Variants in ANO7 observed in about 807,000 individuals in gnomAD.
The protein encoded by ANO7 is anoctamin-7.
Under a neutral mutation model 115.8 loss-of-function variants are expected in ANO7, and 114 were observed. That is an observed-to-expected ratio of 0.98 (90% CI 0.85 to 1.15). The LOEUF (loss-of-function observed/expected upper bound fraction) is 1.15. Among genes scored for constraint, ANO7 ranks in the 50% most tolerant of loss-of-function variants. The pLI, the probability that ANO7 is intolerant of heterozygous loss-of-function variation, is 0.00. For synonymous variants in ANO7, 550 were observed against 498.2 expected, an observed-to-expected ratio of 1.10 and a Z score of -1.38; for missense variants, 1,302 against 1,201.2, an observed-to-expected ratio of 1.08 and a Z score of -1.24.
chr2:241,192,061 G>A (rs1192093870), intron 3 of ANO7, among the ~76,000 whole-genome samples: 1 of 152,236 alleles, frequency 6.6e-6, no homozygotes, highest in East Asian at 1.9e-4. Context: ...CCTGGGCCAG[G>A]CACAGTGGCT....
chr2:241,204,477 T>C (rs2068545075), intron 9 of ANO7, among the ~76,000 whole-genome samples: 2 of 152,002 alleles, frequency 1.3e-5, no homozygotes, highest in South Asian at 4.2e-4. Context: ...GTGGTTTCCC[T>C]GGGGCTGGAA....
At chr2:241,193,684 C>A (rs75614610) in intron 3 of ANO7, among the ~76,000 whole-genome samples, 5,570 of 152,276 alleles carry the variant, frequency 0.037, 307 homozygotes, top group African/African-American at 0.13. Flanking sequence ...TATCCATAAT[C>A]ATGCTTTGTG....
chr2:241,227,058 A>G (rs1461345713), downstream of ANO7, among the ~76,000 whole-genome samples: 1 of 152,174 alleles, frequency 6.6e-6, no homozygotes, highest in Non-Finnish European at 1.5e-5. Context: ...CTGCAGGGCA[A>G]CTGCTGACTG....
At chr2:241,199,133 C>G in intron 4 of ANO7, 183 bp from the exon 5 acceptor site, 1 of 595,428 alleles carries the variant, frequency 1.7e-6, no homozygotes, top group Non-Finnish European at 3.0e-6. Context: ...TGTCGAGGCC[C>G]GGTTGGCTTT....
chr2:241,235,845 C>CCT, the ANO7 span, among the ~76,000 whole-genome samples: 1 of 152,200 alleles, frequency 6.6e-6, no homozygotes, highest in Admixed American at 6.5e-5. Context: ...TACAGCAGCC[C>CCT]CTTCAGGCCC....
intron 8 of ANO7, among the ~76,000 whole-genome samples, chr2:241,202,593 C>T (rs568856063): frequency 1.5e-4 from 23 of 152,332 alleles, no homozygotes; most frequent in African/African-American, 4.6e-4. Context: ...CTCTGGGTAG[C>T]GTCTCTTGCT....
chr2:241,198,977 C>A (rs1023783665), intron 4 of ANO7: 1 of 337,058 alleles, frequency 3.0e-6, no homozygotes, highest in Non-Finnish European at 5.7e-6. Context: ...CACTGCCCCT[C>A]AAGCCAGGAG....
At chr2:241,202,418 C>A in intron 8 of ANO7, 114 bp downstream of exon 8, 2 of 868,634 alleles carry the variant, frequency 2.3e-6, no homozygotes, top group Non-Finnish European at 3.6e-6. Flanking sequence ...GCGTGGCCAC[C>A]CAGGAGTCAG....
At chr2:241,235,730 C>A in the ANO7 span, 2 of 622,696 alleles carry the variant, frequency 3.2e-6, no homozygotes, top group African/African-American at 1.8e-5. Flanking sequence ...GACAATGCCA[C>A]CAGGACCTTT....
chr2:241,212,830 G>C lies in ANO7; in HGVS notation c.1728+204G>C, dbSNP rs562330602. ...TCTGACCCCCGATATGCCCCATTCA[G>C]AACCACACCAAAACACTCCAGGCCG... On this transcript the variant is annotated intron_variant, in intron 17 of 24. Transcript: ENST00000674324. The C allele has an allele frequency of 1.0e-4, 58 of 574,056 alleles. No individual in the cohort carries two copies. The African/African-American group carries it at 1.0e-3, about 10-fold the overall frequency. 35.6% of individuals were successfully genotyped at this position (574,056 alleles called of 1,614,324 possible). A position where few individuals can be genotyped will look rare whatever the true frequency, so the allele number is the denominator to read the frequency against.
rs149743431 is a variant in ANO7 at position 241,199,404 on chromosome 2, G to T, written c.398G>T (p.Arg133Leu). 9.9e-6 allele frequency: 16 copies of T among 1,613,682 alleles called. No individual in the cohort carries two copies. The Admixed American group carries it at 2.5e-4, about 25-fold the overall frequency. ...AVLCYYAEDL[R>L]LKLPLQELPN... is the part of the protein sequence containing the mutation. ...CTCTGCTACTACGCCGAAGACCTGC[G>T]CCTGAAGCTGCCCTTGCAGGTACGT... The change falls in exon 5 of 25, where the codon CGC (arginine) becomes CTC (leucine). Residue 133 changes from arginine (R) to leucine (L), a missense_variant. Transcript: ENST00000674324.
Position 241,191,104 on chromosome 2 carries a change from G to A in ANO7, c.109-90G>A, listed in dbSNP as rs564145928. On this transcript the variant is annotated intron_variant, in intron 2 of 24. Transcript: ENST00000674324. ...GGCAGGGCGGGGACGGGTTGGAGGC[G>A]AGGACGGCTTCAGGGTGGGGCGGGG... The A allele has an allele frequency of 1.9e-5, 28 of 1,459,028 alleles. No individual in the cohort carries two copies. The East Asian group carries it at 4.1e-4, about 21-fold the overall frequency. 90.4% of individuals were successfully genotyped at this position (1,459,028 alleles called of 1,614,324 possible).
chr2:241,224,476 C>T lies in ANO7; in HGVS notation c.*323C>T, dbSNP rs1040262639. 4.0e-5 allele frequency: 15 copies of T among 373,046 alleles called. No homozygotes were observed. The highest frequency in any genetic ancestry group is 6.5e-5 in the Non-Finnish European group (13 of 200,744). The allele number at this position is 373,046 out of a possible 1,614,324, so 23.1% of individuals were successfully genotyped here. A position where few individuals can be genotyped will look rare whatever the true frequency, so the allele number is the denominator to read the frequency against. On this transcript the variant is annotated 3_prime_UTR_variant, in exon 25 of 25. Coordinates refer to ENST00000674324, the MANE Select transcript of ANO7 (RefSeq NM_001370694.2). Reference sequence around the variant, plus strand: ...CAGGCCCCTGGACACGACAGTTCTCCTCAGGCAGGTGGGCTTTGTGGTCCT... The same window carrying T: ...CAGGCCCCTGGACACGACAGTTCTCTTCAGGCAGGTGGGCTTTGTGGTCCT...
chr2:241,209,609 G>A lies in ANO7; in HGVS notation c.1333G>A (p.Ala445Thr), dbSNP rs749630171. Reference protein sequence around the residue: ...PERSRARRMLAGSVVIVVMVA... With the variant: ...PERSRARRMLTGSVVIVVMVA... The stretch of plus-strand genomic sequence containing the variant: ...GAGGAGCCGCGCGCGCCGCATGCTG[G>A]CCGGCTCTGTGGTGATCGTGGTGAT... The change falls in exon 13 of 25, where the codon GCC becomes ACC. Residue 445 changes from alanine (A) to threonine (T), a missense_variant. Coordinates refer to ENST00000674324, the MANE Select transcript of ANO7 (RefSeq NM_001370694.2). 6.3e-7 allele frequency: 1 copy of A among 1,589,126 alleles called. No individual in the cohort carries two copies. Among genetic ancestry groups the A allele is most frequent in the South Asian group, 1.1e-5 (1 of 87,626 alleles).
Position 241,189,915 on chromosome 2 carries a change from G to A in ANO7, c.-7-142G>A, listed in dbSNP as rs547698143. 9.6e-4 allele frequency: 595 copies of A among 618,562 alleles called. 4 individuals are homozygous for A. The African/African-American group carries it at 9.9e-3, about 10-fold the overall frequency. The allele number at this position is 618,562 out of a possible 1,614,324, so 38.3% of individuals were successfully genotyped here. ...TCTCCATGTGCTCATGGCCAGGAGA[G>A]TCTGCCGAGCCAGCCCAGCCCCATT... On this transcript the variant is annotated intron_variant, in intron 1 of 24. Transcript: ENST00000674324.
At position 241,208,510 on chromosome 2, in the gene ANO7, T is replaced by A. The variant is rs1559448517; in HGVS notation, c.1078-775T>A. On this transcript the variant is annotated intron_variant, in intron 11 of 24. Transcript: ENST00000674324. ...TTGTAAGGGTTTGTCCAGAGTACTC[T>A]CATCTGGAGATCCTTACCTTACATC... Among the ~76,000 whole-genome samples, 5 of 152,224 alleles carry A rather than the reference T, an allele frequency of 3.3e-5. No individual in the cohort carries two copies. The South Asian group carries it at 1.0e-3, about 31-fold the overall frequency.
chr2:241,196,317 A>C, intron 4 of ANO7: 1 of 410,200 alleles, frequency 2.4e-6, no homozygotes, highest in Non-Finnish European at 3.4e-6. Flanking sequence ...ACTAGGCGTG[A>C]GGATGCTGGG....
chr2:241,222,725 T>C (rs939371733), intron 21 of ANO7, among the ~76,000 whole-genome samples: 11 of 152,234 alleles, frequency 7.2e-5, no homozygotes, highest in African/African-American at 2.4e-4. Flanking sequence ...AAGTCTGAAA[T>C]AGCAAGTGAA....
chr2:241,202,382 G>A (rs1362102578), intron 8 of ANO7, 78 bp downstream of exon 8: 45 of 1,373,986 alleles, frequency 3.3e-5, no homozygotes, highest in Non-Finnish European at 3.7e-5. Context: ...CCAGGGAGGC[G>A]GGTGTGGGGC....
Sources: allele counts gnomAD v4.1 joint callset (sites outside exome capture counted in the v4.1 genomes callset), GRCh38; gene constraint gnomAD v4.1.1; transcripts MANE v1.5; gene names NCBI Gene and HGNC (gene_info 2026-07-23, HGNC 2026-07-21).